Variants in IL1RAPL2 observed in about 807,000 individuals in gnomAD.
The protein encoded by IL1RAPL2 is X-linked interleukin-1 receptor accessory protein-like 2.
Under a neutral mutation model 44.1 loss-of-function variants are expected in IL1RAPL2, and 3 were observed. The ratio of observed to expected loss-of-function variants is 0.07; its 90% CI spans 0.03 to 0.18. The LOEUF is 0.18. IL1RAPL2 is among the 10% of genes least tolerant of loss of function. The pLI is 1.00. For synonymous variants in IL1RAPL2, 181 were observed against 178.8 expected (o/e 1.01, Z -0.10); for missense variants, 391 against 496.4 (o/e 0.79, Z 2.02).
intron 6 of IL1RAPL2, among the ~76,000 whole-genome samples, chrX:105,646,345 G>T (rs1005853282): frequency 2.2e-4 from 24 of 111,550 alleles, no homozygotes; most frequent in African/African-American, 7.2e-4. Flanking sequence ...AAGGGCAAAG[G>T]CTTATAATTA....
intron 5 of IL1RAPL2, among the ~76,000 whole-genome samples, chrX:105,470,628 A>G (rs2036159870): frequency 8.9e-6 from 1 of 111,921 alleles, no homozygotes; most frequent in Non-Finnish European, 1.9e-5. Flanking sequence ...AAAATCAGTG[A>G]CTTATGCTGA....
At chrX:105,472,447 A>G (rs1274897025) in intron 5 of IL1RAPL2, among the ~76,000 whole-genome samples, 1 of 111,733 alleles carries the variant, frequency 8.9e-6, no homozygotes, top group African/African-American at 3.2e-5. Context: ...AAGATTTCCT[A>G]TCTCAGTTTC....
chrX:104,720,130 G>C (rs1931648471), intron 2 of IL1RAPL2, among the ~76,000 whole-genome samples: 1 of 111,646 alleles, frequency 9.0e-6, no homozygotes, highest in South Asian at 3.7e-4. Context: ...ATTATGCTAT[G>C]CTTATTTTTG....
chrX:105,675,510 C>G (rs1266987701), intron 6 of IL1RAPL2, among the ~76,000 whole-genome samples: 2 of 111,965 alleles, frequency 1.8e-5, no homozygotes, highest in African/African-American at 6.5e-5. Flanking sequence ...GGGAATGAAG[C>G]CAATTTGATC....
chrX:104,888,619 A>ATT (rs1923327225), intron 2 of IL1RAPL2, among the ~76,000 whole-genome samples: 2 of 110,347 alleles, frequency 1.8e-5, no homozygotes, highest in African/African-American at 6.6e-5. Context: ...CAAGACTCTC[A>ATT]ACCTAACCCA....
intron 2 of IL1RAPL2, among the ~76,000 whole-genome samples, chrX:104,951,988 A>G (rs1925597746): frequency 8.9e-6 from 1 of 112,307 alleles, no homozygotes; most frequent in African/African-American, 3.2e-5. Context: ...TGCCTTGACA[A>G]CATGTTCCAA....
intron 2 of IL1RAPL2, among the ~76,000 whole-genome samples, chrX:104,847,229 T>C (rs749855645): frequency 8.9e-6 from 1 of 112,353 alleles, no homozygotes; most frequent in East Asian, 2.8e-4. Flanking sequence ...TGGCTTTTGT[T>C]GCCATTGCTT....
chrX:105,647,231 T>G (rs2037612862), intron 6 of IL1RAPL2, among the ~76,000 whole-genome samples: 1 of 111,725 alleles, frequency 9.0e-6, no homozygotes, highest in South Asian at 3.8e-4. Context: ...GATGGGTCTG[T>G]GACAACAGTG....
At chrX:104,874,105 A>G (rs763833687) in intron 2 of IL1RAPL2, among the ~76,000 whole-genome samples, 10 of 110,070 alleles carry the variant, frequency 9.1e-5, no homozygotes, top group Non-Finnish European at 1.9e-4. Context: ...TGACACTCAT[A>G]TGATAAGGAT....
intron 2 of IL1RAPL2, among the ~76,000 whole-genome samples, chrX:104,832,795 T>C (rs771912209): frequency 3.6e-5 from 4 of 111,395 alleles, no homozygotes; most frequent in Non-Finnish European, 7.5e-5. Flanking sequence ...TAATTTCTGT[T>C]TTGCTAATTT....
chrX:104,764,467 G>A (rs1235776329), intron 2 of IL1RAPL2, among the ~76,000 whole-genome samples: 1 of 111,696 alleles, frequency 9.0e-6, no homozygotes, highest in African/African-American at 3.3e-5. Context: ...GAGTCTTTAG[G>A]TTTTTCCAAA....
At chrX:104,704,930 A>G (rs765825846) in intron 2 of IL1RAPL2, among the ~76,000 whole-genome samples, 1 of 111,734 alleles carries the variant, frequency 8.9e-6, no homozygotes, top group East Asian at 2.9e-4. Flanking sequence ...CTTGAAAGAC[A>G]CAAGGATTTA....
intron 2 of IL1RAPL2, among the ~76,000 whole-genome samples, chrX:104,824,980 A>G (rs186743866): frequency 1.8e-5 from 2 of 111,742 alleles, no homozygotes; most frequent in Non-Finnish European, 1.9e-5. Flanking sequence ...CAATGCTTAA[A>G]TGGGGAGGAT....
chrX:104,915,006 A>C (rs1210360874), intron 2 of IL1RAPL2, among the ~76,000 whole-genome samples: 1 of 111,806 alleles, frequency 8.9e-6, no homozygotes, highest in Admixed American at 9.5e-5. Context: ...TGCTATTGTG[A>C]ATAGTGCCGC....
chrX:104,673,330 C>A (rs1445294444), intron 2 of IL1RAPL2, among the ~76,000 whole-genome samples: 30 of 111,286 alleles, frequency 2.7e-4, no homozygotes, highest in African/African-American at 9.5e-4. Flanking sequence ...AGCCAGTTTT[C>A]CCAGCACCAT....
intron 1 of IL1RAPL2, among the ~76,000 whole-genome samples, chrX:104,636,027 G>T (rs1290445885): frequency 9.0e-6 from 1 of 111,669 alleles, no homozygotes; most frequent in Non-Finnish European, 1.9e-5. Context: ...TTTTGGTGTG[G>T]ATATCCTTTC....
intron 2 of IL1RAPL2, among the ~76,000 whole-genome samples, chrX:104,760,905 C>T (rs1356621256): frequency 5.4e-5 from 6 of 111,336 alleles, no homozygotes; most frequent in African/African-American, 1.3e-4. Context: ...GTAGTTTCAT[C>T]GTTTGAAGGC....
At chrX:105,363,822 TG>T (rs1275391965) in intron 5 of IL1RAPL2, among the ~76,000 whole-genome samples, 1 of 111,272 alleles carries the variant, frequency 9.0e-6, no homozygotes, top group Non-Finnish European at 1.9e-5. Flanking sequence ...TTGAGTTATT[TG>T]GGTTCCTTAT....
intron 2 of IL1RAPL2, among the ~76,000 whole-genome samples, chrX:104,785,525 G>A (rs1932793915): frequency 9.0e-6 from 1 of 111,587 alleles, no homozygotes; most frequent in Non-Finnish European, 1.9e-5. Flanking sequence ...GTTGGGCACT[G>A]TCTATCTTCT....
Sources: gnomAD v4.1 joint callset for allele counts (sites outside exome capture counted in the v4.1 genomes callset) on GRCh38, gnomAD v4.1.1 for gene constraint, MANE v1.5 for transcripts, NCBI Gene and HGNC (gene_info 2026-07-23, HGNC 2026-07-21) for gene names.